Variants in DOCK5 observed in about 807,000 individuals in gnomAD.
DOCK5 encodes the protein dedicator of cytokinesis protein 5.
In DOCK5, 142 loss-of-function variants were observed where a neutral mutation model predicts 251.8. The observed-to-expected ratio is 0.56, with a 90% CI of 0.49 to 0.65. The LOEUF is 0.65. DOCK5 is among the 30% of genes least tolerant of loss of function. The pLI is 0.00. For missense variants in DOCK5, 2,111 were observed against 2,312.3 expected, an observed-to-expected ratio of 0.91 and a Z score of 1.79; for synonymous variants, 842 against 835.5, an observed-to-expected ratio of 1.01 and a Z score of -0.13.
rs993435290 is a variant in DOCK5, at chr8:25,325,421, A to G, written c.1777A>G (p.Met593Val). 6.2e-7 allele frequency: 1 copy of G among 1,614,020 alleles called. No homozygotes were observed. The highest frequency in any genetic ancestry group is 8.5e-7 in the Non-Finnish European group (1 of 1,179,882). The change falls in exon 18 of 52, where the codon ATG (methionine) becomes GTG (valine). Residue 593 changes from methionine (M) to valine (V), a missense_variant. Met to Val is a conservative substitution (Grantham distance 21). Transcript: ENST00000276440. The stretch of plus-strand genomic sequence containing the variant: ...CTACCTGACCCTGCCTGGAACCAAG[A>G]TGGAGATGGAAGAAAAAGAGCTTCA... ...KFYLTLPGTK[M>V]EMEEKELQAS...
chr8:25,262,511 T>C (rs1803617376), intron 2 of DOCK5, among the ~76,000 whole-genome samples: 1 of 152,192 alleles, frequency 6.6e-6, no homozygotes, highest in Non-Finnish European at 1.5e-5. Flanking sequence ...AGTTCTGGCC[T>C]ACCAGGGTTT....
At chr8:25,380,263 G>C (rs903857237) in intron 38 of DOCK5, 42 bp from the exon 39 acceptor site, 11 of 1,559,096 alleles carry the variant, frequency 7.1e-6, no homozygotes, top group Non-Finnish European at 8.7e-6. Flanking sequence ...ATCAATGACT[G>C]CCTTGTTCTC....
At chr8:25,362,462 C>CT (rs869096662) in intron 28 of DOCK5, among the ~76,000 whole-genome samples, 2,979 of 54,622 alleles carry the variant, frequency 0.055, 116 homozygotes, top group East Asian at 0.11. Context: ...CTTTTCTTTT[C>CT]TTTTTTTTTT....
intron 1 of DOCK5, among the ~76,000 whole-genome samples, chr8:25,233,690 G>A (rs773762335): frequency 5.9e-5 from 9 of 152,154 alleles, no homozygotes; most frequent in Non-Finnish European, 1.2e-4. Flanking sequence ...CTGTAATTTT[G>A]TTCGCCTTGG....
At position 25,400,972 on chromosome 8, in the gene DOCK5, TCA is replaced by T; in HGVS notation, c.4835_4836del (p.Thr1612ArgfsTer8). ...GGGATCCGCATCCATGGGGAGAAAC[TCA>T]CAGAGCAGCTGAAGCCGCTGCATGA... is the stretch of plus-strand genomic sequence containing the variant. On this transcript the variant is annotated frameshift_variant, in exon 47 of 52. Coordinates refer to ENST00000276440, the MANE Select transcript of DOCK5 (RefSeq NM_024940.8). LOFTEE classifies it high-confidence loss of function. 1 of 1,613,974 alleles carries T rather than the reference TCA, an allele frequency of 6.2e-7. No homozygotes were observed. Among genetic ancestry groups the T allele is most frequent in the Non-Finnish European group, 8.5e-7 (1 of 1,179,890 alleles).
At position 25,408,136 on chromosome 8, in the gene DOCK5, A is replaced by G; in HGVS notation, c.5247A>G (p.Ala1749=). The G allele has an allele frequency of 2.5e-6, 4 of 1,590,298 alleles. No individual in the cohort carries two copies. Among genetic ancestry groups the G allele is most frequent in the Non-Finnish European group, 3.4e-6 (4 of 1,168,744 alleles). The change falls in exon 49 of 52, where the codon GCA becomes GCG. Residue 1749 remains alanine (A), a synonymous_variant. Transcript: ENST00000276440. The part of the protein sequence containing the change: ...LSKSQVIAEK[A]PEPDLMSPTR... The stretch of plus-strand genomic sequence containing the variant: ...AGTCCCAGGTCATTGCAGAGAAAGC[A>G]CCAGAACCCGATTTGATGGTAAAAA...
chr8:25,190,776 G>T (rs6988403), intron 1 of DOCK5, among the ~76,000 whole-genome samples: 56,582 of 63,478 alleles, frequency 0.89, 24,921 homozygotes, highest in East Asian at 0.92. Context: ...TTGGTCATGG[G>T]TTTTTTTTTT....
At chr8:25,258,682 A>T (rs998827862) in intron 2 of DOCK5, among the ~76,000 whole-genome samples, 2 of 152,184 alleles carry the variant, frequency 1.3e-5, no homozygotes, top group Non-Finnish European at 2.9e-5. Context: ...GTTTCATTGC[A>T]TATTCCTTAC....
At position 25,377,322 on chromosome 8, in the gene DOCK5, T is replaced by C. The variant is rs373664719; in HGVS notation, c.3834T>C (p.Cys1278=). The change falls in exon 38 of 52, where the codon TGT becomes TGC. Residue 1278 remains cysteine (C), a synonymous_variant. Coordinates refer to ENST00000276440, the MANE Select transcript of DOCK5 (RefSeq NM_024940.8). The part of the protein sequence containing the change: ...AELLQWSDKP[C]VPHLLQKDSY... ...CTTTTCAGTGGTCTGACAAGCCCTG[T>C]GTGCCTCATTTGCTTCAGAAGGACA... The C allele has an allele frequency of 3.5e-5, 56 of 1,613,406 alleles. No homozygotes were observed. The highest frequency in any genetic ancestry group is 4.2e-5 in the Non-Finnish European group (50 of 1,179,558).
rs374746330 is a variant in DOCK5, at chr8:25,325,566, C to T, written c.1903+19C>T. 8.8e-5 allele frequency: 141 copies of T among 1,610,212 alleles called. No individual in the cohort carries two copies. The highest frequency in any genetic ancestry group is 1.2e-4 in the Non-Finnish European group (139 of 1,177,978). ...CAGAATGGTAGGAGTGGTGAATACA[C>T]TGACACAAATAAGCTTCTTGCTCAG... On this transcript the variant is annotated intron_variant, in intron 18 of 51. Transcript: ENST00000276440.
intron 48 of DOCK5, among the ~76,000 whole-genome samples, chr8:25,404,740 C>T (rs941039406): frequency 2.0e-5 from 3 of 151,782 alleles, no homozygotes; most frequent in Non-Finnish European, 2.9e-5. Flanking sequence ...GGAAAAATCT[C>T]GTATGTGAAA....
intron 13 of DOCK5, 130 bp from the exon 14 acceptor site, chr8:25,316,877 T>G (rs1805265246): frequency 1.7e-6 from 2 of 1,149,160 alleles, no homozygotes; most frequent in South Asian, 3.6e-5. Context: ...ATGAAAGCCT[T>G]TTGTCGGATG....
At chr8:25,232,683 C>G (rs1401820967) in intron 1 of DOCK5, among the ~76,000 whole-genome samples, 1 of 152,084 alleles carries the variant, frequency 6.6e-6, no homozygotes, top group African/African-American at 2.4e-5. Flanking sequence ...GAGAGCTCCA[C>G]CCTCATGACT....
intron 27 of DOCK5, among the ~76,000 whole-genome samples, chr8:25,357,099 T>C (rs1318611009): frequency 6.6e-6 from 1 of 151,496 alleles, no homozygotes; most frequent in Non-Finnish European, 1.5e-5. Flanking sequence ...AACAGCAACA[T>C]GAGAAAGCTA....
In DOCK5 at chr8:25,354,758, G is replaced by A. The variant is rs192479879; in HGVS notation, c.2850+2932G>A. ...GATATTCAAGAATGGTTAAATATTA[G>A]GAAATACATTTATAAAATAACATCA... is the stretch of plus-strand genomic sequence containing the variant. On this transcript the variant is annotated intron_variant, in intron 27 of 51. Transcript: ENST00000276440. 2.2e-3 allele frequency among the ~76,000 whole-genome samples: 335 copies of A among 152,194 alleles called. 1 individual carries two copies. Among genetic ancestry groups the A allele is most frequent in the African/African-American group, 7.7e-3 (320 of 41,522 alleles).
chr8:25,354,989 T>G (rs1171920860), intron 27 of DOCK5, among the ~76,000 whole-genome samples: 1 of 152,100 alleles, frequency 6.6e-6, no homozygotes, highest in African/African-American at 2.4e-5. Flanking sequence ...ATCCCAGCAC[T>G]TTGGGAGGCT....
At chr8:25,334,017 C>T (rs892544182) in intron 20 of DOCK5, 79 bp from the exon 21 acceptor site, 21 of 1,040,928 alleles carry the variant, frequency 2.0e-5, no homozygotes, top group African/African-American at 1.6e-4. Flanking sequence ...AAGAAGGCAC[C>T]GAGATGTTAA....
At chr8:25,232,276 AATGCAATGCAATGCAATGCAG>A (rs752590918) in intron 1 of DOCK5, among the ~76,000 whole-genome samples, 2 of 77,264 alleles carry the variant, frequency 2.6e-5, no homozygotes, top group Non-Finnish European at 4.4e-5. Context: ...TGCAATGCAG[AATGCAATGCAATGCAATGCAG>A]ATGCAATGCA....
At chr8:25,398,670 T>G (rs1801386998) in intron 45 of DOCK5, among the ~76,000 whole-genome samples, 1 of 152,172 alleles carries the variant, frequency 6.6e-6, no homozygotes. Flanking sequence ...GCCATCTTCT[T>G]GCATCTCTTC....
Sources: gnomAD v4.1 joint callset for allele counts (sites outside exome capture counted in the v4.1 genomes callset) on GRCh38, gnomAD v4.1.1 for gene constraint, MANE v1.5 for transcripts, NCBI Gene and HGNC (gene_info 2026-07-23, HGNC 2026-07-21) for gene names.